CDC42BPB: variants seen among roughly 807,000 people sequenced by gnomAD.
CDC42BPB encodes the protein serine/threonine-protein kinase MRCK beta.
In CDC42BPB, 37 loss-of-function variants were observed where a neutral mutation model predicts 214.9. The ratio of observed to expected loss-of-function variants is 0.17; its 90% CI spans 0.13 to 0.23. CDC42BPB has a LOEUF of 0.23. Among genes scored for constraint, CDC42BPB ranks in the 10% least tolerant of loss-of-function variants. The pLI, the probability that CDC42BPB is intolerant of heterozygous loss-of-function variation, is 1.00. For synonymous variants in CDC42BPB, 931 were observed against 884.0 expected (o/e 1.05, Z -0.94); for missense variants, 1,694 against 2,227.0 (o/e 0.76, Z 4.82).
intron 5 of CDC42BPB, among the ~76,000 whole-genome samples, chr14:102,992,215 C>A (rs1003549497): frequency 2.6e-5 from 4 of 152,184 alleles, no homozygotes; most frequent in East Asian, 1.9e-4. Flanking sequence ...CTGAGTTGCA[C>A]CCCTCGGTTT....
intron 1 of CDC42BPB, among the ~76,000 whole-genome samples, chr14:103,044,679 T>A (rs1009304427): frequency 1.5e-4 from 22 of 151,222 alleles, no homozygotes; most frequent in Non-Finnish European, 2.5e-4. Flanking sequence ...CTAATTTTTT[T>A]AATTTAATTT....
chr14:103,051,733 G>A (rs903466518), intron 1 of CDC42BPB, among the ~76,000 whole-genome samples: 1 of 152,226 alleles, frequency 6.6e-6, no homozygotes, highest in Non-Finnish European at 1.5e-5. Context: ...CTCACACAGT[G>A]GTATCCTGAA....
Position 102,954,397 on chromosome 14 carries a change from G to T in CDC42BPB, c.2989-122C>A. 4 of 1,442,904 alleles carry T rather than the reference G, an allele frequency of 2.8e-6. No homozygotes were observed. The South Asian group carries it at 6.0e-5, about 22-fold the overall frequency. The allele number at this position is 1,442,904 out of a possible 1,614,324, so 89.4% of individuals were successfully genotyped here. ...GTGAACAGTTCTGCATTTTTAATTT[G>T]CTACAATGTTGAGACATCTGCGGAA... is the stretch of plus-strand genomic sequence containing the variant. On this transcript the variant is annotated intron_variant, in intron 22 of 36. Coordinates refer to ENST00000361246, the MANE Select transcript of CDC42BPB (RefSeq NM_006035.4).
chr14:102,974,208 T>C, intron 11 of CDC42BPB, 59 bp from the exon 12 acceptor site: 11 of 1,582,764 alleles, frequency 6.9e-6, no homozygotes, highest in Non-Finnish European at 9.4e-6. Flanking sequence ...ATGTAAACTT[T>C]ATGTTAGCTG....
chr14:103,000,768 C>T (rs1198731477), intron 4 of CDC42BPB, among the ~76,000 whole-genome samples: 2 of 152,220 alleles, frequency 1.3e-5, no homozygotes, highest in Non-Finnish European at 2.9e-5. Flanking sequence ...GGCCCACGCT[C>T]GGGCCCAGGC....
rs373275143 is a variant in CDC42BPB at position 102,974,007 on chromosome 14, G to C, written c.1641+9C>G. ...GTAAGCCTTTCTCACCCCAAACTGA[G>C]CCACCTACCTTGTGCAGCTCCTCCT... On this transcript the variant is annotated intron_variant, in intron 12 of 36. Coordinates refer to ENST00000361246, the MANE Select transcript of CDC42BPB (RefSeq NM_006035.4). 1.9e-6 allele frequency: 3 copies of C among 1,594,620 alleles called. No homozygotes were observed. The highest frequency in any genetic ancestry group is 1.1e-5 in the South Asian group (1 of 89,572).
At chr14:103,000,365 C>T (rs768303862) in intron 4 of CDC42BPB, among the ~76,000 whole-genome samples, 1 of 152,252 alleles carries the variant, frequency 6.6e-6, no homozygotes, top group East Asian at 1.9e-4. Flanking sequence ...GGTGAGCCTG[C>T]GTAGAGCTCT....
chr14:102,973,932 G>A (rs886093168), intron 12 of CDC42BPB, 84 bp downstream of exon 12: 2 of 1,474,258 alleles, frequency 1.4e-6, no homozygotes, highest in African/African-American at 1.4e-5. Flanking sequence ...GTCCCAAGAG[G>A]TCTTCCATCA....
Position 102,968,271 on chromosome 14 carries a change from T to A in CDC42BPB, c.2328A>T (p.Leu776=), listed in dbSNP as rs777692635. Residue 776 remains leucine (L), a synonymous_variant, in exon 16 of 37, where the codon CTA becomes CTT. Transcript: ENST00000361246. ...RAMLFDENKK[L]TAENEKLCSF... Reference sequence around the variant, plus strand: ...TAATTACCTTTTCATTTTCAGCAGTTAGCTTCTTGTTTTCATCAAACAGCA... The same window carrying A: ...TAATTACCTTTTCATTTTCAGCAGTAAGCTTCTTGTTTTCATCAAACAGCA... 2 of 1,613,306 alleles carry A rather than the reference T, an allele frequency of 1.2e-6. No individual in the cohort carries two copies.
intron 1 of CDC42BPB, among the ~76,000 whole-genome samples, chr14:103,045,856 G>C (rs560605782): frequency 6.6e-6 from 1 of 152,258 alleles, no homozygotes; most frequent in African/African-American, 2.4e-5. Context: ...AGGAGAACAG[G>C]AATTTTGTTT....
Position 102,975,952 on chromosome 14 carries a change from T to A in CDC42BPB, c.1318A>T (p.Met440Leu). The change falls in exon 10 of 37, where the codon ATG becomes TTG. Residue 440 changes from methionine to leucine, a missense_variant. Met to Leu is a conservative substitution (Grantham distance 15, BLOSUM62 2). Around this residue, in one of 7 missense-constraint regions of CDC42BPB, gnomAD observed 462 missense variants for 513.5 expected, o/e 0.90. Coordinates refer to ENST00000361246, the MANE Select transcript of CDC42BPB (RefSeq NM_006035.4). ...CGAATCCTCCTCTCGTAAGCTTCCA[T>A]CTGCAGGCTGTGCTCCAGGTCCCGC... ...VQRDLEHSLQ[M>L]EAYERRIRRL... 2 of 1,614,246 alleles carry A rather than the reference T, an allele frequency of 1.2e-6. No individual in the cohort carries two copies. Among genetic ancestry groups the A allele is most frequent in the East Asian group, 2.2e-5 (1 of 44,886 alleles).
intron 1 of CDC42BPB, 131 bp from the exon 2 acceptor site, chr14:103,012,319 T>C (rs2139642877): frequency 2.1e-6 from 3 of 1,450,806 alleles, no homozygotes; most frequent in Non-Finnish European, 2.7e-6. Flanking sequence ...ATATCTGACA[T>C]GTTTTGGAAA....
intron 4 of CDC42BPB, among the ~76,000 whole-genome samples, chr14:103,002,678 G>GGGTCTT (rs1225170802): frequency 1.3e-5 from 2 of 152,130 alleles, no homozygotes; most frequent in African/African-American, 2.4e-5. Flanking sequence ...GGCTGGGGCT[G>GGGTCTT]GGTCTTGGTC....
At position 102,932,914 on chromosome 14, in the gene CDC42BPB, C is replaced by A. The variant is rs1358650286; in HGVS notation, c.*798G>T. On this transcript the variant is annotated 3_prime_UTR_variant, in exon 37 of 37. Transcript: ENST00000361246. ...GGCAGGGCGGGGCGGGGTGGGGTAT[C>A]CCAGTGGCTGCTTCGTGGCGCCCTG... 6.7e-6 allele frequency: 1 copy of A among 148,326 alleles called. No homozygotes were observed. Among genetic ancestry groups the A allele is most frequent in the African/African-American group, 2.5e-5 (1 of 39,436 alleles). The allele number at this position is 148,326 out of a possible 1,614,324, so 9.2% of individuals were successfully genotyped here.
intron 1 of CDC42BPB, among the ~76,000 whole-genome samples, chr14:103,030,212 C>A (rs1444898344): frequency 1.3e-5 from 2 of 152,254 alleles, no homozygotes; most frequent in African/African-American, 2.4e-5. Context: ...GCGTGCCCAG[C>A]ACGGTATCAA....
At chr14:102,991,271 CACATCATCTCAATCTATCAGAAGGAA>C (rs1256170934) in intron 5 of CDC42BPB, among the ~76,000 whole-genome samples, 6 of 152,156 alleles carry the variant, frequency 3.9e-5, no homozygotes, top group African/African-American at 1.2e-4. Context: ...GAGGAAGGAA[CACATCATCTCAATCTATCAGAAGGAA>C]ACATCAGACC....
At chr14:103,031,820 G>A (rs1428710014) in intron 1 of CDC42BPB, among the ~76,000 whole-genome samples, 1 of 152,024 alleles carries the variant, frequency 6.6e-6, no homozygotes, top group Non-Finnish European at 1.5e-5. Context: ...AGAGACTACA[G>A]CATCACTCAC....
At position 102,970,532 on chromosome 14, in the gene CDC42BPB, C is replaced by A. The variant is rs150197693; in HGVS notation, c.1885-271G>T. The A allele has an allele frequency of 2.1e-3, 519 of 246,314 alleles. 2 individuals are homozygous for A. The highest frequency in any genetic ancestry group is 0.011 in the African/African-American group (487 of 43,162). 15.3% of individuals were successfully genotyped at this position (246,314 alleles called of 1,614,324 possible). On this transcript the variant is annotated intron_variant, in intron 13 of 36. Coordinates refer to ENST00000361246, the MANE Select transcript of CDC42BPB (RefSeq NM_006035.4). ...TACATTTCTTGAAATTTAAATTTCA[C>A]TGATTCGTGAAAACCAGTACTTTTG...
At chr14:103,041,612 C>A in intron 1 of CDC42BPB, 1 of 807,220 alleles carries the variant, frequency 1.2e-6, no homozygotes, top group Non-Finnish European at 2.1e-6. Context: ...GCCCTGCACA[C>A]CGCGTTGGGA....
Sources: gnomAD v4.1 joint callset for allele counts (sites outside exome capture counted in the v4.1 genomes callset) on GRCh38, gnomAD v4.1.1 for gene constraint, gnomAD v4.1.1 regional missense constraint, MANE v1.5 for transcripts, NCBI Gene and HGNC (gene_info 2026-07-23, HGNC 2026-07-21) for gene names.